JAK1: variants seen among roughly 807,000 people sequenced by gnomAD.
JAK1 encodes the protein tyrosine-protein kinase JAK1.
JAK1 carries 16 observed loss-of-function variants against 136.6 expected under a neutral mutation model. The ratio of observed to expected loss-of-function variants is 0.12; its 90% CI spans 0.08 to 0.18. The LOEUF (loss-of-function observed/expected upper bound fraction) is 0.18. Among genes scored for constraint, JAK1 ranks in the 10% least tolerant of loss-of-function variants. The pLI, the probability that JAK1 is intolerant of heterozygous loss-of-function variation, is 1.00. For synonymous variants in JAK1, 492 were observed against 519.5 expected, an observed-to-expected ratio of 0.95 and a Z score of 0.72; for missense variants, 859 against 1,450.1, an observed-to-expected ratio of 0.59 and a Z score of 6.62.
intron 17 of JAK1, 106 bp downstream of exon 17, chr1:64,843,958 C>G (rs1477648607): frequency 6.2e-6 from 8 of 1,297,432 alleles, no homozygotes; most frequent in Admixed American, 3.6e-5. Context: ...AGATTCAAAC[C>G]CATGCCCATC....
At chr1:64,999,061 T>C (rs1040198937) in intron 2 of JAK1, among the ~76,000 whole-genome samples, 34 of 152,236 alleles carry the variant, frequency 2.2e-4, no homozygotes, top group African/African-American at 6.8e-4. Flanking sequence ...CTTGTAAATC[T>C]TCCTATCTTT....
At chr1:64,939,170 C>T (rs1474649011) in intron 1 of JAK1, among the ~76,000 whole-genome samples, 5 of 152,218 alleles carry the variant, frequency 3.3e-5, no homozygotes, top group African/African-American at 1.2e-4. Flanking sequence ...TTCTTGCCCC[C>T]AGGGCACACT....
At chr1:64,909,274 C>T (rs1290982544) in intron 1 of JAK1, among the ~76,000 whole-genome samples, 1 of 152,120 alleles carries the variant, frequency 6.6e-6, no homozygotes. Flanking sequence ...GAAGCTGGCA[C>T]GTGCACCCCA....
chr1:64,860,419 C>CATGCATTT (rs1156251696), intron 8 of JAK1, among the ~76,000 whole-genome samples, 157 bp from the exon 9 acceptor site: 23 of 73,878 alleles, frequency 3.1e-4, no homozygotes, highest in Middle Eastern at 5.0e-3. Flanking sequence ...CCCTTGCATG[C>CATGCATTT]ATTTATTTAT....
intron 2 of JAK1, among the ~76,000 whole-genome samples, chr1:65,039,481 GA>G (rs1428657093): frequency 2.0e-5 from 3 of 152,172 alleles, no homozygotes; most frequent in Admixed American, 1.3e-4. Context: ...TCAGTTTACA[GA>G]TAAGTAAACT....
At chr1:64,850,155 G>A (rs563402703) in intron 12 of JAK1, among the ~76,000 whole-genome samples, 2 of 152,216 alleles carry the variant, frequency 1.3e-5, no homozygotes, top group Admixed American at 6.5e-5. Context: ...ACCCCAACGC[G>A]TGGCCCTATG....
intron 2 of JAK1, among the ~76,000 whole-genome samples, chr1:64,976,006 A>T (rs151257985): frequency 7.6e-4 from 116 of 152,330 alleles, no homozygotes; most frequent in African/African-American, 1.9e-3. Context: ...GGGGACCAGG[A>T]TCTTTACCAC....
chr1:64,872,908 AC>A (rs1254241219), intron 5 of JAK1, among the ~76,000 whole-genome samples: 1 of 152,150 alleles, frequency 6.6e-6, no homozygotes, highest in Admixed American at 6.5e-5. Context: ...AGGTGATTCT[AC>A]CTTCTCTTTT....
chr1:64,883,326 A>G lies in JAK1; in HGVS notation c.156T>C (p.Ser52=). The G allele has an allele frequency of 1.2e-6, 2 of 1,614,050 alleles. No homozygotes were observed. Among genetic ancestry groups the G allele is most frequent in the Non-Finnish European group, 1.7e-6 (2 of 1,179,974 alleles). Residue 52 remains serine (S), a synonymous_variant, in exon 3 of 25, where the codon AGT becomes AGC. Coordinates refer to ENST00000342505, the MANE Select transcript of JAK1 (RefSeq NM_002227.4). ...ACAGTTCCTCTGCTGTGTACTCTCC[A>G]CTGCCCAGCCGGAGGGGCTCCCTGT... ...LSDREPLRLG[S]GEYTAEELCI...
chr1:65,030,912 G>A (rs1275788093), intron 2 of JAK1, among the ~76,000 whole-genome samples: 2 of 152,032 alleles, frequency 1.3e-5, no homozygotes, highest in East Asian at 3.9e-4. Flanking sequence ...CCAGGACTTT[G>A]GGGGGCAGAG....
At chr1:64,992,129 C>G (rs898632667) in intron 2 of JAK1, 1 of 152,206 alleles carries the variant, frequency 6.6e-6, no homozygotes, top group African/African-American at 2.4e-5. Context: ...ACCAAAATCT[C>G]AGCACTTTGG....
At chr1:65,001,292 T>C (rs1174969313) in intron 2 of JAK1, among the ~76,000 whole-genome samples, 1 of 152,238 alleles carries the variant, frequency 6.6e-6, no homozygotes, top group East Asian at 1.9e-4. Flanking sequence ...TTCACTGGGC[T>C]GCAGTGATTC....
At chr1:65,032,191 C>G (rs559668040) in intron 2 of JAK1, among the ~76,000 whole-genome samples, 114 of 152,180 alleles carry the variant, frequency 7.5e-4, no homozygotes, top group Admixed American at 2.5e-3. Context: ...GTCTCAAACT[C>G]TTGACCTCAG....
chr1:64,984,940 A>G lies in JAK1; in HGVS notation c.-78+59540T>C. 2 of 1,094,094 alleles carry G rather than the reference A, an allele frequency of 1.8e-6. No homozygotes were observed. Among genetic ancestry groups the G allele is most frequent in the Non-Finnish European group, 2.8e-6 (2 of 710,214 alleles). The allele number at this position is 1,094,094 out of a possible 1,614,324, so 67.8% of individuals were successfully genotyped here. ...CTGAAGAGTTCAGCCACAATAAACC[A>G]GGGAATGTGGTCTGGCCCAATTTCA... On this transcript the variant is annotated intron_variant, in intron 2 of 25. Transcript: ENST00000671954. The surrounding 1 kb of genome is among the most constrained non-coding windows in gnomAD (Gnocchi z 4.1).
intron 4 of JAK1, among the ~76,000 whole-genome samples, chr1:64,875,125 G>C (rs539565035): frequency 6.6e-6 from 1 of 152,366 alleles, no homozygotes; most frequent in Admixed American, 6.5e-5. Context: ...TAGGCACTGT[G>C]CTTAAAGGAT....
At chr1:64,851,491 C>T (rs1655589615) in intron 11 of JAK1, among the ~76,000 whole-genome samples, 1 of 152,140 alleles carries the variant, frequency 6.6e-6, no homozygotes, top group Non-Finnish European at 1.5e-5. Flanking sequence ...GGCAGGAGAC[C>T]CATAACAGTG....
chr1:64,963,490 TAACA>T (rs1646319354), intron 1 of JAK1, among the ~76,000 whole-genome samples: 1 of 152,092 alleles, frequency 6.6e-6, no homozygotes, highest in African/African-American at 2.4e-5. Context: ...AAAAAATGAA[TAACA>T]AAGAATTCGA....
intron 19 of JAK1, 68 bp downstream of exon 19, chr1:64,841,177 G>T: frequency 9.0e-7 from 1 of 1,116,076 alleles, no homozygotes; most frequent in Non-Finnish European, 1.4e-6. Flanking sequence ...AGCTGTACGT[G>T]CAGAGAGTGG....
intron 1 of JAK1, among the ~76,000 whole-genome samples, chr1:65,063,107 T>C (rs1287000508): frequency 1.3e-5 from 2 of 152,138 alleles, no homozygotes; most frequent in Non-Finnish European, 2.9e-5. Flanking sequence ...TCAGCAGCCT[T>C]GTGGGCCCAA....
Sources: allele counts gnomAD v4.1 joint callset (sites outside exome capture counted in the v4.1 genomes callset), GRCh38; gene constraint gnomAD v4.1.1; non-coding constraint Gnocchi (gnomAD v3.1); transcripts MANE v1.5; gene names NCBI Gene and HGNC (gene_info 2026-07-23, HGNC 2026-07-21).